The following CTSC variants were observed in gnomAD, a reference collection of about 807,000 sequenced individuals.
CTSC encodes the protein cathepsin C, also known as dipeptidyl peptidase 1.
In CTSC, 37 loss-of-function variants were observed where a neutral mutation model predicts 40.9. That is an observed-to-expected ratio of 0.91 (90% CI 0.70 to 1.19). The LOEUF (loss-of-function observed/expected upper bound fraction) is 1.19, where lower values mean the gene tolerates loss of function less well. CTSC is among the 50% of genes most tolerant of loss of function. The pLI is 0.00. For synonymous variants in CTSC, 232 were observed against 207.4 expected (o/e 1.12, Z -1.02); for missense variants, 594 against 567.3 (o/e 1.05, Z -0.48).
At chr11:88,334,201 C>A (rs1222911938) in intron 2 of CTSC, among the ~76,000 whole-genome samples, 1 of 152,188 alleles carries the variant, frequency 6.6e-6, no homozygotes, top group Non-Finnish European at 1.5e-5. Context: ...GCTTATGTAT[C>A]CAATTTACTT....
chr11:88,299,806 G>C (rs751449840), intron 5 of CTSC: 1 of 152,272 alleles, frequency 6.6e-6, no homozygotes, highest in Admixed American at 6.5e-5. Context: ...ACTGAGTATT[G>C]CATAGATTCT....
At chr11:88,307,556 C>CTTTTTTTTT (rs5793311) in intron 4 of CTSC, among the ~76,000 whole-genome samples, 1 of 73,490 alleles carries the variant, frequency 1.4e-5, no homozygotes. Flanking sequence ...ATACTGATAA[C>CTTTTTTTTT]TTTTTTTTTT....
At position 88,302,974 on chromosome 11, in the gene CTSC, C is replaced by T. The variant is rs142936786; in HGVS notation, c.642-2329G>A. ...TCAAGGATCATAAAAATCTGTGCCT[C>T]ATAGGTAATTTTATATATAGGGTGA... On this transcript the variant is annotated intron_variant, in intron 4 of 6. Coordinates refer to ENST00000227266, the MANE Select transcript of CTSC (RefSeq NM_001814.6). Among the ~76,000 whole-genome samples the T allele has an allele frequency of 3.3e-5, 5 of 152,238 alleles. No homozygotes were observed. In the East Asian group the frequency reaches 9.6e-4, roughly 29 times the overall value.
At chr11:88,317,042 C>T (rs1299519127) in intron 2 of CTSC, among the ~76,000 whole-genome samples, 1 of 152,102 alleles carries the variant, frequency 6.6e-6, no homozygotes, top group Non-Finnish European at 1.5e-5. Flanking sequence ...TCTCAGCTCA[C>T]TGCAACCTCC....
At chr11:88,296,392 A>C (rs554137193) in intron 5 of CTSC, 128 bp from the exon 6 acceptor site, 1 of 1,158,712 alleles carries the variant, frequency 8.6e-7, no homozygotes, top group Admixed American at 2.0e-5. Flanking sequence ...GAATCAGCAC[A>C]ATAAGAAGAC....
chr11:88,306,171 T>C (rs1937629803), intron 4 of CTSC, among the ~76,000 whole-genome samples: 1 of 152,038 alleles, frequency 6.6e-6, no homozygotes, highest in Non-Finnish European at 1.5e-5. Flanking sequence ...AAGAAAGGGG[T>C]AGAATTATGG....
chr11:88,337,480 A>G (rs1237407385), intron 1 of CTSC, 21 bp downstream of exon 1: 1 of 1,559,724 alleles, frequency 6.4e-7, no homozygotes, highest in Non-Finnish European at 8.7e-7. Flanking sequence ...GACCCGGAGG[A>G]CTGCCGAGCC....
intron 2 of CTSC, among the ~76,000 whole-genome samples, chr11:88,330,667 C>T (rs1938326791): frequency 1.3e-5 from 2 of 152,148 alleles, no homozygotes; most frequent in Middle Eastern, 6.8e-3. Context: ...ATTTTAAAAA[C>T]ATACCTAGTA....
At chr11:88,324,940 CAA>C (rs1477844191) in intron 2 of CTSC, 10 of 985,182 alleles carry the variant, frequency 1.0e-5, no homozygotes, top group African/African-American at 8.7e-5. Context: ...TCAGATCATA[CAA>C]AGAGTCATCT....
intron 3 of CTSC, 58 bp from the exon 4 acceptor site, chr11:88,309,376 T>C (rs1937700676): frequency 7.0e-7 from 1 of 1,430,358 alleles, no homozygotes; most frequent in Admixed American, 1.7e-5. Flanking sequence ...AATAGAGTAA[T>C]TAAAACAGGC....
At chr11:88,294,587 A>G in intron 6 of CTSC, 79 bp from the exon 7 acceptor site, 1 of 1,523,382 alleles carries the variant, frequency 6.6e-7, no homozygotes, top group African/African-American at 1.4e-5. Context: ...TCTTTGCTCC[A>G]TTATTCTTTG....
In CTSC at chr11:88,294,356, C is replaced by T; in HGVS notation, c.1042G>A (p.Val348Ile). 8 of 1,614,166 alleles carry T rather than the reference C, an allele frequency of 5.0e-6. No individual in the cohort carries two copies. The highest frequency in any genetic ancestry group is 6.8e-6 in the Non-Finnish European group (8 of 1,180,020). Residue 348 changes from valine (V) to isoleucine (I), a missense_variant, in exon 7 of 7, where the codon GTA becomes ATA. Transcript: ENST00000227266. ...FRYYSSEYHYVGGFYGGCNEA... is the reference protein window; with the variant it reads ...FRYYSSEYHYIGGFYGGCNEA... ...TTGCAGCCTCCATAGAAACCTCCTA[C>T]ATAGTGGTACTCAGAGGAGTAATAA...
chr11:88,311,750 T>G (rs1015760055), intron 3 of CTSC, among the ~76,000 whole-genome samples: 9 of 152,174 alleles, frequency 5.9e-5, no homozygotes, highest in African/African-American at 2.2e-4. Flanking sequence ...ATATGACTGA[T>G]GCCCTTATAA....
chr11:88,296,293 A>T (rs750068329), intron 5 of CTSC, 29 bp from the exon 6 acceptor site: 2 of 1,612,460 alleles, frequency 1.2e-6, no homozygotes, highest in African/African-American at 2.7e-5. Flanking sequence ...CACATAATCC[A>T]AGAGACATCT....
chr11:88,296,168 G>A lies in CTSC; in HGVS notation c.854C>T (p.Pro285Leu). 3 of 1,613,978 alleles carry A rather than the reference G, an allele frequency of 1.9e-6. No individual in the cohort carries two copies. Among genetic ancestry groups the A allele is most frequent in the Non-Finnish European group, 2.5e-6 (3 of 1,179,936 alleles). Residue 285 changes from proline (P) to leucine (L), a missense_variant, in exon 6 of 7, where the codon CCT becomes CTT. Transcript: ENST00000227266. ...CTGGCTACAAGACACAACCTCCTGA[G>A]GGCTTAGGATTGGGGTCTGAGAATT... Reference protein sequence around the residue: ...TNNSQTPILSPQEVVSCSQYA... With the variant: ...TNNSQTPILSLQEVVSCSQYA...
intron 2 of CTSC, among the ~76,000 whole-genome samples, chr11:88,329,069 C>T (rs1487842819): frequency 6.6e-6 from 1 of 152,174 alleles, no homozygotes. Flanking sequence ...TACATATTTC[C>T]TCAGCCCTTG....
chr11:88,337,512 C>T lies in CTSC; in HGVS notation c.161G>A (p.Cys54Tyr), dbSNP rs1938534972. The change falls in exon 1 of 7, where the codon TGC (cysteine) becomes TAC (tyrosine). Residue 54 changes from cysteine (C) to tyrosine (Y), a missense_variant. Transcript: ENST00000227266. ...AGCCGGCGGCTTACCCATAACCGAG[C>T]AGTTGACATCGCGCTGGGAACCGCT... ...GSSGSQRDVN[C>Y]SVMGPQEKKV... 1.3e-6 allele frequency: 2 copies of T among 1,574,058 alleles called. No homozygotes were observed. Among genetic ancestry groups the T allele is most frequent in the Non-Finnish European group, 1.7e-6 (2 of 1,158,708 alleles).
At position 88,336,307 on chromosome 11, in the gene CTSC, G is replaced by A. The variant is rs541747033; in HGVS notation, c.172+1194C>T. 1.9e-3 allele frequency among the ~76,000 whole-genome samples: 287 copies of A among 151,494 alleles called. 2 individuals are homozygous for A. Among genetic ancestry groups the A allele is most frequent in the South Asian group, 0.011 (51 of 4,780 alleles). On this transcript the variant is annotated intron_variant, in intron 1 of 6. Coordinates refer to ENST00000227266, the MANE Select transcript of CTSC (RefSeq NM_001814.6). ...TGTAATCCCAGTACTTTGGGAGGCC[G>A]AGGCGGGCGGATCACGAGGTCAGGA...
At chr11:88,332,602 C>T (rs929513194) in intron 2 of CTSC, among the ~76,000 whole-genome samples, 2 of 152,180 alleles carry the variant, frequency 1.3e-5, no homozygotes, top group Non-Finnish European at 2.9e-5. Context: ...TTATCTGGAA[C>T]TACCTGATTA....
Sources: allele counts gnomAD v4.1 joint callset (sites outside exome capture counted in the v4.1 genomes callset), GRCh38; gene constraint gnomAD v4.1.1; transcripts MANE v1.5; gene names NCBI Gene and HGNC (gene_info 2026-07-23, HGNC 2026-07-21).